SRPK1: variants seen among roughly 807,000 people sequenced by gnomAD.
The protein encoded by SRPK1 is SRSF protein kinase 1.
In SRPK1, 52 loss-of-function variants were observed where a neutral mutation model predicts 89.5. The observed-to-expected ratio is 0.58, with a 90% confidence interval of 0.46 to 0.73. The LOEUF is 0.73. Among genes scored for constraint, SRPK1 ranks in the 30% least tolerant of loss-of-function variants. SRPK1 has a pLI of 0.00. For missense variants in SRPK1, 603 were observed against 780.6 expected, an observed-to-expected ratio of 0.77 and a Z score of 2.71; for synonymous variants, 255 against 270.2, an observed-to-expected ratio of 0.94 and a Z score of 0.55.
intron 6 of SRPK1, among the ~76,000 whole-genome samples, chr6:35,881,693 C>T (rs1008764195): frequency 6.6e-6 from 1 of 150,740 alleles, no homozygotes; most frequent in South Asian, 2.1e-4. Context: ...TTCAACATAC[C>T]ACCAAGAAGA....
chr6:35,860,164 T>C (rs746542763), intron 12 of SRPK1, among the ~76,000 whole-genome samples: 1 of 152,148 alleles, frequency 6.6e-6, no homozygotes, highest in Non-Finnish European at 1.5e-5. Context: ...AACGCAGTCA[T>C]TTTAAATGCA....
intron 2 of SRPK1, among the ~76,000 whole-genome samples, chr6:35,915,480 A>G (rs985830271): frequency 2.6e-5 from 4 of 152,010 alleles, no homozygotes; most frequent in African/African-American, 4.8e-5. Context: ...TTTTAAATGT[A>G]TATACCATTC....
chr6:35,885,432 GA>G (rs1198851517), intron 6 of SRPK1, among the ~76,000 whole-genome samples: 1 of 152,004 alleles, frequency 6.6e-6, no homozygotes, highest in East Asian at 1.9e-4. Flanking sequence ...ATTTTTCTAA[GA>G]AATGACTCAG....
At chr6:35,915,933 C>A (rs993016556) in intron 2 of SRPK1, among the ~76,000 whole-genome samples, 1 of 136,628 alleles carries the variant, frequency 7.3e-6, no homozygotes, top group African/African-American at 2.8e-5. Context: ...GATTGCACCA[C>A]TGAACTCCAG....
chr6:35,892,690 G>GACA (rs1300213033), intron 2 of SRPK1, among the ~76,000 whole-genome samples: 4 of 120,216 alleles, frequency 3.3e-5, no homozygotes, highest in Non-Finnish European at 7.2e-5. Flanking sequence ...CAACAACAAC[G>GACA]ACAACAACAC....
chr6:35,920,780 G>A (rs916258470), intron 1 of SRPK1: 2 of 382,960 alleles, frequency 5.2e-6, no homozygotes, highest in African/African-American at 4.2e-5. Context: ...CGCCCGCCAA[G>A]GGCCGGGCCC....
chr6:35,878,284 A>C (rs754024939), intron 6 of SRPK1, among the ~76,000 whole-genome samples: 2 of 152,200 alleles, frequency 1.3e-5, no homozygotes, highest in Non-Finnish European at 2.9e-5. Context: ...GTGAGCCTGC[A>C]ATATCTTGAT....
chr6:35,891,735 A>G (rs576044688), intron 2 of SRPK1, among the ~76,000 whole-genome samples: 14 of 152,172 alleles, frequency 9.2e-5, no homozygotes, highest in African/African-American at 3.1e-4. Context: ...CTCAAAAAAA[A>G]AAAAAAAAAA....
At chr6:35,915,424 A>G (rs1581603019) in intron 2 of SRPK1, among the ~76,000 whole-genome samples, 1 of 151,194 alleles carries the variant, frequency 6.6e-6, no homozygotes, top group Non-Finnish European at 1.5e-5. Flanking sequence ...AAAAAAAAAA[A>G]GAAAAATCTT....
intron 11 of SRPK1, 120 bp downstream of exon 11, chr6:35,869,362 G>C: frequency 8.1e-7 from 1 of 1,232,958 alleles, no homozygotes; most frequent in Non-Finnish European, 1.1e-6. Flanking sequence ...CAATTTAAAC[G>C]TAACTTAGAC....
intron 2 of SRPK1, among the ~76,000 whole-genome samples, chr6:35,906,428 T>C (rs1581598140): frequency 6.6e-6 from 1 of 152,358 alleles, no homozygotes; most frequent in East Asian, 1.9e-4. Context: ...TTAGGCCATG[T>C]TGGCCAGGCT....
chr6:35,856,377 A>T (rs1214228402), intron 13 of SRPK1, among the ~76,000 whole-genome samples: 2 of 152,062 alleles, frequency 1.3e-5, no homozygotes, highest in Non-Finnish European at 2.9e-5. Context: ...GCACTTTCTG[A>T]GGGGGTAATG....
intron 14 of SRPK1, among the ~76,000 whole-genome samples, chr6:35,841,216 T>TTA (rs1769298978): frequency 6.6e-6 from 1 of 152,160 alleles, no homozygotes; most frequent in African/African-American, 2.4e-5. Context: ...AACATGGGGC[T>TTA]TATATATACA....
At chr6:35,845,571 A>G (rs1402020103) in intron 13 of SRPK1, among the ~76,000 whole-genome samples, 1 of 152,252 alleles carries the variant, frequency 6.6e-6, no homozygotes, top group Admixed American at 6.5e-5. Context: ...GACTAATTAC[A>G]TTCAGATCCA....
chr6:35,907,881 G>A (rs1177024645), intron 2 of SRPK1, among the ~76,000 whole-genome samples: 1 of 152,102 alleles, frequency 6.6e-6, no homozygotes, highest in Non-Finnish European at 1.5e-5. Context: ...TCATGGGGGT[G>A]GTTCACCCAC....
At chr6:35,870,050 G>A in intron 10 of SRPK1, 149 bp from the exon 11 acceptor site, 1 of 1,038,390 alleles carries the variant, frequency 9.6e-7, no homozygotes, top group East Asian at 2.5e-5. Flanking sequence ...TTCCGGAAGG[G>A]CCAAGATCTT....
chr6:35,854,027 T>C (rs1036739018), intron 13 of SRPK1, among the ~76,000 whole-genome samples: 4 of 152,110 alleles, frequency 2.6e-5, no homozygotes, highest in African/African-American at 9.7e-5. Flanking sequence ...CTCAGCTCAC[T>C]GCAGCCTCTG....
At chr6:35,918,610 T>C (rs771961886) in intron 2 of SRPK1, among the ~76,000 whole-genome samples, 4 of 152,218 alleles carry the variant, frequency 2.6e-5, no homozygotes, top group South Asian at 4.1e-4. Flanking sequence ...TACAAGGAAA[T>C]GGGGGCAGTT....
chr6:35,917,320 G>C (rs1293119982), intron 2 of SRPK1, among the ~76,000 whole-genome samples: 1 of 152,140 alleles, frequency 6.6e-6, no homozygotes, highest in Non-Finnish European at 1.5e-5. Flanking sequence ...CACACCAAAA[G>C]CACTGTCACT....
Sources: gnomAD v4.1 joint callset for allele counts (sites outside exome capture counted in the v4.1 genomes callset) on GRCh38, gnomAD v4.1.1 for gene constraint, MANE v1.5 for transcripts, NCBI Gene and HGNC (gene_info 2026-07-23, HGNC 2026-07-21) for gene names.